Variants in TBC1D10A observed in about 807,000 individuals in gnomAD.
TBC1D10A encodes the protein EBP50-PDX interactor of 64 kDa.
Under a neutral mutation model 52.9 loss-of-function variants are expected in TBC1D10A, and 24 were observed. The ratio of observed to expected loss-of-function variants is 0.45; its 90% CI spans 0.33 to 0.64. The LOEUF is 0.64. Among genes scored for constraint, TBC1D10A ranks in the 30% least tolerant of loss-of-function variants. The pLI is 0.02. For synonymous variants in TBC1D10A, 278 were observed against 282.9 expected (o/e 0.98, Z 0.17); for missense variants, 602 against 687.9 (o/e 0.88, Z 1.40).
At chr22:30,309,083 C>G (rs1289853896) in intron 1 of TBC1D10A, among the ~76,000 whole-genome samples, 1 of 152,140 alleles carries the variant, frequency 6.6e-6, no homozygotes, top group African/African-American at 2.4e-5. Context: ...CTCTGGCGCC[C>G]AAGCCACTGG....
At chr22:30,306,813 A>G (rs1008157738) in intron 1 of TBC1D10A, among the ~76,000 whole-genome samples, 1 of 152,202 alleles carries the variant, frequency 6.6e-6, no homozygotes, top group African/African-American at 2.4e-5. Context: ...CCCAGCACTC[A>G]GCGTACCACA....
intron 1 of TBC1D10A, among the ~76,000 whole-genome samples, chr22:30,323,047 T>C (rs1930691075): frequency 6.6e-6 from 1 of 151,396 alleles, no homozygotes; most frequent in South Asian, 2.1e-4. Context: ...GGATTACAGG[T>C]GCCCACCACA....
chr22:30,300,517 G>C (rs978601427), intron 2 of TBC1D10A: 3 of 152,168 alleles, frequency 2.0e-5, no homozygotes, highest in African/African-American at 7.2e-5. Flanking sequence ...CTGTCACCAG[G>C]GAGGGCATTG....
At chr22:30,322,593 CTTTTTTTTTTTTTT>C (rs34874729) in intron 1 of TBC1D10A, among the ~76,000 whole-genome samples, 74 of 24,912 alleles carry the variant, frequency 3.0e-3, no homozygotes, top group Middle Eastern at 0.036. Flanking sequence ...TCACTTTCAG[CTTTTTTTTTTTTTT>C]TTTTTTTTTT....
chr22:30,301,721 TC>T lies in TBC1D10A; in HGVS notation c.310-2171del, dbSNP rs1033395952. 9.2e-5 allele frequency among the ~76,000 whole-genome samples: 14 copies of T among 152,112 alleles called. 1 individual carries two copies. The highest frequency in any genetic ancestry group is 6.8e-3 in the Middle Eastern group (2 of 294). ...GACCAGTGCAAACAAGAGAAAACTT[TC>T]CAAGGGTCAGAGAGAGTCAAGAACC... On this transcript the variant is annotated intron_variant, in intron 2 of 8. Transcript: ENST00000215790.
intron 8 of TBC1D10A, chr22:30,293,161 G>A: frequency 1.7e-5 from 11 of 634,704 alleles, no homozygotes; most frequent in Non-Finnish European, 2.9e-5. Context: ...CTGCCAACCT[G>A]TCACCCACCG....
At chr22:30,300,245 C>T (rs1200430412) in intron 2 of TBC1D10A, among the ~76,000 whole-genome samples, 3 of 150,962 alleles carry the variant, frequency 2.0e-5, no homozygotes, top group Middle Eastern at 3.5e-3. Context: ...GTCAGGAGTT[C>T]GAGACCAGCC....
In TBC1D10A at chr22:30,292,924, C is replaced by T. The variant is rs556189054; in HGVS notation, c.1051-73G>A. ...TCCCCTTCTGCCTCCCAGCCTGGGC[C>T]CCCAGTCTTCCTCAGCATCCCCCAG... is the stretch of plus-strand genomic sequence containing the variant. On this transcript the variant is annotated intron_variant, in intron 8 of 8. Transcript: ENST00000215790. 6.7e-5 allele frequency: 102 copies of T among 1,525,576 alleles called. 2 individuals are homozygous for T. In the South Asian group the frequency reaches 1.2e-3, roughly 17 times the overall value. The allele number at this position is 1,525,576 out of a possible 1,614,324, so 94.5% of individuals were successfully genotyped here.
At chr22:30,318,052 T>C (rs769878319) in intron 1 of TBC1D10A, among the ~76,000 whole-genome samples, 2 of 152,132 alleles carry the variant, frequency 1.3e-5, no homozygotes, top group African/African-American at 4.8e-5. Context: ...TAGCCTAAAA[T>C]CCACATTTCC....
rs754901876 is a variant in TBC1D10A, at chr22:30,293,704, G to A, written c.997C>T (p.Arg333Ter). ...ACQGQYETIE[R>*]LRSLSPKIMQ... Reference sequence around the variant, plus strand: ...ATCTTGGGGCTGAGGCTCCGCAGTCGCTCGATGGTCTCGTACTGGCCCTGG... The same window carrying A: ...ATCTTGGGGCTGAGGCTCCGCAGTCACTCGATGGTCTCGTACTGGCCCTGG... Residue 333 changes from arginine (R) to a stop codon, truncating the protein, a stop_gained, in exon 8 of 9, where the codon CGA becomes TGA. Coordinates refer to ENST00000215790, the MANE Select transcript of TBC1D10A (RefSeq NM_031937.3). LOFTEE classifies it high-confidence loss of function. 1.2e-5 allele frequency: 19 copies of A among 1,612,782 alleles called. No individual in the cohort carries two copies. Among genetic ancestry groups the A allele is most frequent in the Non-Finnish European group, 1.4e-5 (16 of 1,179,194 alleles).
In TBC1D10A at chr22:30,297,675, AGCACGT is replaced by A. The variant is rs1177713495; in HGVS notation, c.417+1763_417+1768del. ...CCTGCCCAAGGAAGGAGGAAGAAAT[AGCACGT>A]GCAGGAGAAGGAGCCACCAGCACCT... On this transcript the variant is annotated intron_variant, in intron 3 of 8. Coordinates refer to ENST00000215790, the MANE Select transcript of TBC1D10A (RefSeq NM_031937.3). The surrounding 1 kb of genome is among the most constrained non-coding windows in gnomAD (Gnocchi z 4.3). 1 of 152,356 alleles carries A rather than the reference AGCACGT, an allele frequency of 6.6e-6. No homozygotes were observed. The highest frequency in any genetic ancestry group is 1.5e-5 in the Non-Finnish European group (1 of 68,156). The allele number at this position is 152,356 out of a possible 1,614,324, so 9.4% of individuals were successfully genotyped here.
intron 2 of TBC1D10A, among the ~76,000 whole-genome samples, chr22:30,302,247 ATT>A (rs1930216388): frequency 6.6e-6 from 1 of 152,198 alleles, no homozygotes; most frequent in Non-Finnish European, 1.5e-5. Context: ...ACCACAGAGG[ATT>A]ACCATTCTCT....
At chr22:30,318,756 G>T in intron 1 of TBC1D10A, 1 of 467,970 alleles carries the variant, frequency 2.1e-6, no homozygotes. Flanking sequence ...TCTCACCACA[G>T]CCCTTTTAGG....
chr22:30,307,466 C>T (rs1930332059), intron 1 of TBC1D10A, among the ~76,000 whole-genome samples: 2 of 152,204 alleles, frequency 1.3e-5, no homozygotes, highest in South Asian at 4.1e-4. Context: ...TCTTCCCCAC[C>T]TTATGCCAAA....
intron 1 of TBC1D10A, among the ~76,000 whole-genome samples, chr22:30,308,932 G>A (rs903212624): frequency 1.6e-4 from 24 of 152,172 alleles, no homozygotes; most frequent in Admixed American, 5.2e-4. Context: ...TGTATGACTT[G>A]GACAAAGTCA....
chr22:30,325,847 T>C (rs1341250590), intron 1 of TBC1D10A, among the ~76,000 whole-genome samples: 2 of 152,104 alleles, frequency 1.3e-5, no homozygotes, highest in African/African-American at 4.8e-5. Context: ...AGGAGGCGCA[T>C]ACATACACAG....
intron 1 of TBC1D10A, among the ~76,000 whole-genome samples, chr22:30,316,514 G>A (rs941537509): frequency 1.3e-5 from 2 of 151,090 alleles, no homozygotes; most frequent in Admixed American, 6.6e-5. Context: ...GTGCAGTAGT[G>A]CAATAATGGC....
At chr22:30,316,901 T>C (rs1296881014) in intron 1 of TBC1D10A, among the ~76,000 whole-genome samples, 1 of 151,956 alleles carries the variant, frequency 6.6e-6, no homozygotes, top group African/African-American at 2.4e-5. Flanking sequence ...TAGCCAGGCA[T>C]GGTGGCTTCA....
Position 30,293,824 on chromosome 22 carries a change from G to A in TBC1D10A, c.896-19C>T, listed in dbSNP as rs913279042. ...TTGACCCCTGCATGGGGGATGGGCA[G>A]TAAGTACAAGGAAGCTTTTTGGGGT... On this transcript the variant is annotated intron_variant, in intron 7 of 8. Transcript: ENST00000215790. 1.9e-6 allele frequency: 3 copies of A among 1,605,772 alleles called. No homozygotes were observed. Among genetic ancestry groups the A allele is most frequent in the Non-Finnish European group, 2.6e-6 (3 of 1,173,530 alleles).
Sources: allele counts gnomAD v4.1 joint callset (sites outside exome capture counted in the v4.1 genomes callset), GRCh38; gene constraint gnomAD v4.1.1; non-coding constraint Gnocchi (gnomAD v3.1); transcripts MANE v1.5; gene names NCBI Gene and HGNC (gene_info 2026-07-23, HGNC 2026-07-21).